Variants in SH3RF1 observed in about 807,000 individuals in gnomAD.
The protein encoded by SH3RF1 is E3 ubiquitin-protein ligase SH3RF1.
SH3RF1 carries 32 observed loss-of-function variants against 74.0 expected under a neutral mutation model. The observed-to-expected ratio is 0.43, with a 90% CI of 0.33 to 0.58. The LOEUF (loss-of-function observed/expected upper bound fraction) is 0.58. SH3RF1 is among the 20% of genes least tolerant of loss of function. The probability of loss-of-function intolerance (pLI) is 0.05; values close to 1 mark genes in which losing one functional copy is unlikely to be tolerated. For synonymous variants in SH3RF1, 396 were observed against 439.6 expected, an observed-to-expected ratio of 0.90 and a Z score of 1.24; for missense variants, 954 against 1,130.9, an observed-to-expected ratio of 0.84 and a Z score of 2.24.
intron 2 of SH3RF1, among the ~76,000 whole-genome samples, chr4:169,178,279 TTTAAATAAGCAA>T (rs1734453637): frequency 1.8e-5 from 1 of 54,232 alleles, no homozygotes; most frequent in Non-Finnish European, 4.4e-5. Flanking sequence ...AAAATTTTTT[TTTAAATAAGCAA>T]CTATGCTTAT....
At chr4:169,152,384 C>T (rs557131654) in intron 4 of SH3RF1, among the ~76,000 whole-genome samples, 2 of 152,334 alleles carry the variant, frequency 1.3e-5, no homozygotes, top group Admixed American at 1.3e-4. Context: ...AGACTCTCCT[C>T]CATTCAAGCC....
intron 2 of SH3RF1, among the ~76,000 whole-genome samples, chr4:169,166,050 G>A (rs1734236834): frequency 2.0e-5 from 3 of 151,668 alleles, no homozygotes; most frequent in African/African-American, 7.3e-5. Flanking sequence ...GTGTAGGGAG[G>A]GGAAAAAAGC....
rs1731405669 is a variant in SH3RF1 at position 169,269,322 on chromosome 4, A to T, written c.-95-15T>A. On this transcript the variant is annotated splice_polypyrimidine_tract_variant and intron_variant, in intron 1 of 11. Transcript: ENST00000284637. ...CAGACTTTGCTCTAGAGTCATGGGGAAAAGGGGGAAAAGAGAACATGAGTG... is the reference window on the plus strand; with the variant it reads ...CAGACTTTGCTCTAGAGTCATGGGGTAAAGGGGGAAAAGAGAACATGAGTG... 7.8e-6 allele frequency: 9 copies of T among 1,153,940 alleles called. No homozygotes were observed. Among genetic ancestry groups the T allele is most frequent in the Non-Finnish European group, 1.1e-5 (9 of 843,074 alleles). 71.5% of individuals were successfully genotyped at this position (1,153,940 alleles called of 1,614,324 possible). A position where few individuals can be genotyped will look rare whatever the true frequency, so the allele number is the denominator to read the frequency against.
chr4:169,204,272 C>A (rs1002430712), intron 2 of SH3RF1, among the ~76,000 whole-genome samples: 1 of 134,502 alleles, frequency 7.4e-6, no homozygotes, highest in Non-Finnish European at 1.6e-5. Context: ...TTCAGGTGTG[C>A]ATCTTCTTTT....
intron 4 of SH3RF1, among the ~76,000 whole-genome samples, chr4:169,148,029 G>C (rs2126960704): frequency 1.3e-5 from 2 of 152,178 alleles, no homozygotes; most frequent in East Asian, 3.9e-4. Context: ...TCATAAAAAG[G>C]CAACCTCAGA....
chr4:169,140,622 AAAC>A (rs1456529721), intron 4 of SH3RF1, among the ~76,000 whole-genome samples: 129 of 152,344 alleles, frequency 8.5e-4, no homozygotes, highest in African/African-American at 2.9e-3. Flanking sequence ...ATATTAATAA[AAAC>A]AACAAGGCAG....
Position 169,144,773 on chromosome 4 carries a change from A to T in SH3RF1, c.766-8153T>A, listed in dbSNP as rs1013626096. On this transcript the variant is annotated intron_variant, in intron 4 of 11. Transcript: ENST00000284637. ...GCAGGGTCAACTGATTTTTTTTTTT[A>T]AGGAAAGCTTATGTAAAACCTCCTG... Among the ~76,000 whole-genome samples the T allele has an allele frequency of 2.6e-5, 4 of 151,738 alleles. No homozygotes were observed. The East Asian group carries it at 7.7e-4, about 29-fold the overall frequency.
At chr4:169,147,515 G>A (rs1423348769) in intron 4 of SH3RF1, among the ~76,000 whole-genome samples, 2 of 152,160 alleles carry the variant, frequency 1.3e-5, no homozygotes, top group South Asian at 2.1e-4. Flanking sequence ...AAAGAATCTG[G>A]CACAGAAAGA....
rs1397830404 is a variant in SH3RF1 at position 169,122,091 on chromosome 4, C to T, written c.1346+9G>A. Reference sequence around the variant, plus strand: ...CACATAAGCAGTAACAGACGACACGCTCACTTACACACTGGGGCGAGTCTG... The same window carrying T: ...CACATAAGCAGTAACAGACGACACGTTCACTTACACACTGGGGCGAGTCTG... On this transcript the variant is annotated intron_variant, in intron 7 of 11. Transcript: ENST00000284637. 6.2e-7 allele frequency: 1 copy of T among 1,610,758 alleles called. No individual in the cohort carries two copies.
rs1264856317 is a variant in SH3RF1, at chr4:169,094,541, TA to T, written c.*1977del. On this transcript the variant is annotated 3_prime_UTR_variant, in exon 12 of 12. Transcript: ENST00000284637. ...GCTTAAAATATGGAGAAAAGACAGG[TA>T]AAAAAATTATCTTAACCTGTAGTAG... 1.3e-5 allele frequency: 2 copies of T among 152,090 alleles called. No individual in the cohort carries two copies. The highest frequency in any genetic ancestry group is 2.9e-5 in the Non-Finnish European group (2 of 68,022). 9.4% of individuals were successfully genotyped at this position (152,090 alleles called of 1,614,324 possible). A position where few individuals can be genotyped will look rare whatever the true frequency, so the allele number is the denominator to read the frequency against.
At chr4:169,134,103 C>A (rs777064817) in intron 5 of SH3RF1, among the ~76,000 whole-genome samples, 1 of 152,138 alleles carries the variant, frequency 6.6e-6, no homozygotes, top group Non-Finnish European at 1.5e-5. Flanking sequence ...CTGTAAACCT[C>A]GGCTGGAGAA....
intron 2 of SH3RF1, among the ~76,000 whole-genome samples, chr4:169,184,382 C>A (rs540263336): frequency 1.3e-5 from 2 of 152,208 alleles, no homozygotes; most frequent in Non-Finnish European, 2.9e-5. Context: ...TTCTAGAAAG[C>A]CAGATGGCAG....
chr4:169,131,892 T>C (rs1733626684), intron 5 of SH3RF1, among the ~76,000 whole-genome samples: 1 of 152,208 alleles, frequency 6.6e-6, no homozygotes, highest in Admixed American at 6.5e-5. Flanking sequence ...TAGCCTCTGA[T>C]TGGTTGCTTT....
chr4:169,255,756 T>A (rs1482641893), intron 2 of SH3RF1, among the ~76,000 whole-genome samples: 1 of 151,258 alleles, frequency 6.6e-6, no homozygotes, highest in Non-Finnish European at 1.5e-5. Flanking sequence ...TAATAATCTT[T>A]CCTAACATTA....
At chr4:169,137,503 T>C (rs1343750458) in intron 4 of SH3RF1, among the ~76,000 whole-genome samples, 1 of 152,138 alleles carries the variant, frequency 6.6e-6, no homozygotes, top group Non-Finnish European at 1.5e-5. Flanking sequence ...GAAACATAGC[T>C]CAACCTCTCA....
chr4:169,095,038 C>T lies in SH3RF1; in HGVS notation c.*1481G>A, dbSNP rs1294968815. On this transcript the variant is annotated 3_prime_UTR_variant, in exon 12 of 12. Coordinates refer to ENST00000284637, the MANE Select transcript of SH3RF1 (RefSeq NM_020870.4). Reference sequence around the variant, plus strand: ...TCCGGACTACCCAGATCCATGACTGCGTGGCACCGTAATGAAATCGGTGGG... The same window carrying T: ...TCCGGACTACCCAGATCCATGACTGTGTGGCACCGTAATGAAATCGGTGGG... 2.0e-5 allele frequency: 3 copies of T among 152,542 alleles called. No individual in the cohort carries two copies. Among genetic ancestry groups the T allele is most frequent in the African/African-American group, 4.8e-5 (2 of 41,420 alleles). 9.4% of individuals were successfully genotyped at this position (152,542 alleles called of 1,614,324 possible). A position where few individuals can be genotyped will look rare whatever the true frequency, so the allele number is the denominator to read the frequency against.
intron 6 of SH3RF1, among the ~76,000 whole-genome samples, chr4:169,124,802 T>C (rs927433535): frequency 1.3e-5 from 2 of 152,234 alleles, no homozygotes; most frequent in Non-Finnish European, 2.9e-5. Flanking sequence ...AATCTGGTGA[T>C]GTGGAAGTTC....
intron 2 of SH3RF1, among the ~76,000 whole-genome samples, chr4:169,192,738 T>C (rs571941067): frequency 1.3e-5 from 2 of 151,106 alleles, no homozygotes; most frequent in South Asian, 4.2e-4. Context: ...CCAACCCAAA[T>C]AGCCATCAAC....
chr4:169,232,544 T>G (rs1011861415), intron 2 of SH3RF1, among the ~76,000 whole-genome samples: 2 of 152,202 alleles, frequency 1.3e-5, no homozygotes, highest in Non-Finnish European at 2.9e-5. Context: ...CCACTGGTCC[T>G]TTCTCTCCAA....
Sources: allele counts gnomAD v4.1 joint callset (sites outside exome capture counted in the v4.1 genomes callset), GRCh38; gene constraint gnomAD v4.1.1; transcripts MANE v1.5; gene names NCBI Gene and HGNC (gene_info 2026-07-23, HGNC 2026-07-21).